Variants in ACSS3 observed in about 807,000 individuals in gnomAD.
ACSS3 encodes the protein acyl-CoA synthetase short chain family member 3, also known as acyl-CoA synthetase short-chain family member 3, mitochondrial.
In ACSS3, 64 loss-of-function variants were observed where a neutral mutation model predicts 84.2. The observed-to-expected ratio is 0.76, with a 90% CI of 0.62 to 0.94. The LOEUF (loss-of-function observed/expected upper bound fraction) is 0.94. ACSS3 is among the 40% of genes least tolerant of loss of function. The pLI is 0.00. For synonymous variants in ACSS3, 317 were observed against 310.1 expected (o/e 1.02, Z -0.23); for missense variants, 815 against 867.6 (o/e 0.94, Z 0.76).
intron 9 of ACSS3, among the ~76,000 whole-genome samples, chr12:81,203,824 C>A (rs1565718818): frequency 6.6e-6 from 1 of 152,164 alleles, no homozygotes; most frequent in Non-Finnish European, 1.5e-5. Flanking sequence ...ATTATCTTCA[C>A]AGTAACTCAT....
At position 81,255,381 on chromosome 12, in the gene ACSS3, TA is replaced by T. The variant is rs960563689; in HGVS notation, c.*462del. 4.6e-5 allele frequency: 7 copies of T among 152,674 alleles called. No individual in the cohort carries two copies. The highest frequency in any genetic ancestry group is 2.0e-4 in the Admixed American group (3 of 15,310). The allele number at this position is 152,674 out of a possible 1,614,324, so 9.5% of individuals were successfully genotyped here. Reference sequence around the variant, plus strand: ...TATTCTTTAGATGCTCACATTGTTTTAAATAAAATAGATGAAATGGGAAGTT... The same window carrying T: ...TATTCTTTAGATGCTCACATTGTTTTAATAAAATAGATGAAATGGGAAGTT... On this transcript the variant is annotated 3_prime_UTR_variant, in exon 16 of 16. Coordinates refer to ENST00000548058, the MANE Select transcript of ACSS3 (RefSeq NM_024560.4).
In ACSS3 at chr12:81,107,483, TG is replaced by T. The variant is rs1395794559; in HGVS notation, c.312-2076del. The stretch of plus-strand genomic sequence containing the variant: ...AAGTAAATAGTTTCCCTGCCAGAAA[TG>T]TTTTTTTTTTCAGGTACAAATATAT... On this transcript the variant is annotated intron_variant, in intron 1 of 15. Transcript: ENST00000548058. Among the ~76,000 whole-genome samples, 58 of 89,844 alleles carry T rather than the reference TG, an allele frequency of 6.5e-4. 1 individual carries two copies. Among genetic ancestry groups the T allele is most frequent in the African/African-American group, 1.9e-3 (55 of 29,144 alleles). The allele number at this position is 89,844 out of a possible 152,430, so 58.9% of individuals were successfully genotyped here. A position where few individuals can be genotyped will look rare whatever the true frequency, so the allele number is the denominator to read the frequency against.
In ACSS3 at chr12:81,134,705, C is replaced by T. The variant is rs1885694011; in HGVS notation, c.457-111C>T. 5.7e-6 allele frequency: 5 copies of T among 879,568 alleles called. No individual in the cohort carries two copies. In the South Asian group the frequency reaches 1.8e-4, roughly 32 times the overall value. The allele number at this position is 879,568 out of a possible 1,614,324, so 54.5% of individuals were successfully genotyped here. A position where few individuals can be genotyped will look rare whatever the true frequency, so the allele number is the denominator to read the frequency against. On this transcript the variant is annotated intron_variant, in intron 2 of 15. Transcript: ENST00000548058. Reference sequence around the variant, plus strand: ...TCATCAAATATGTGTTACTTAGGCTCCTTTAATCTACTACCAAGCGGGTGA... The same window carrying T: ...TCATCAAATATGTGTTACTTAGGCTTCTTTAATCTACTACCAAGCGGGTGA...
chr12:81,132,088 C>CT (rs576576654), intron 2 of ACSS3, among the ~76,000 whole-genome samples: 1 of 152,040 alleles, frequency 6.6e-6, no homozygotes, highest in Non-Finnish European at 1.5e-5. Flanking sequence ...CTAAAATTCT[C>CT]TTTTTTTGTT....
Position 81,162,815 on chromosome 12 carries a change from G to A in ACSS3, c.1098+10719G>A, listed in dbSNP as rs578189325. On this transcript the variant is annotated intron_variant, in intron 7 of 15. Transcript: ENST00000548058. ...CCCAGAGTTCAGAGGGGGCCAAGGA[G>A]GTAGGGGGCTGGCATGTTTGCAGTG... Among the ~76,000 whole-genome samples the A allele has an allele frequency of 1.1e-4, 16 of 152,310 alleles. No homozygotes were observed. In the South Asian group the frequency reaches 2.5e-3, roughly 24 times the overall value.
intron 8 of ACSS3, among the ~76,000 whole-genome samples, chr12:81,192,833 T>C (rs2031640017): frequency 6.6e-6 from 1 of 152,220 alleles, no homozygotes; most frequent in South Asian, 2.1e-4. Context: ...CAATCAGTCT[T>C]ATGTCTCTCT....
intron 7 of ACSS3, among the ~76,000 whole-genome samples, chr12:81,153,075 G>A (rs1037678264): frequency 3.3e-5 from 5 of 152,076 alleles, no homozygotes; most frequent in African/African-American, 4.8e-5. Flanking sequence ...TTACTAGAAA[G>A]CATCTGAAAA....
chr12:81,124,909 T>G (rs1200188706), intron 2 of ACSS3, among the ~76,000 whole-genome samples: 3 of 152,198 alleles, frequency 2.0e-5, no homozygotes, highest in Middle Eastern at 6.3e-3. Flanking sequence ...TGCTGGCTCT[T>G]TCTCTTAAAA....
chr12:81,219,990 A>G, intron 10 of ACSS3, 23 bp from the exon 11 acceptor site: 3 of 1,423,554 alleles, frequency 2.1e-6, no homozygotes, highest in Non-Finnish European at 1.9e-6. Flanking sequence ...TTTTTATTCA[A>G]ATATTTATAT....
At chr12:81,244,749 C>G (rs12298160) in intron 13 of ACSS3, among the ~76,000 whole-genome samples, 1 of 152,146 alleles carries the variant, frequency 6.6e-6, no homozygotes, top group African/African-American at 2.4e-5. Flanking sequence ...TCTCTCTGCT[C>G]AGCTTACATT....
At chr12:81,252,894 G>A (rs1327092701) in intron 13 of ACSS3, among the ~76,000 whole-genome samples, 1 of 152,168 alleles carries the variant, frequency 6.6e-6, no homozygotes, top group East Asian at 1.9e-4. Flanking sequence ...GGATTCCTCT[G>A]GAAGGTATGC....
At chr12:81,144,616 C>A (rs1886238752) in intron 5 of ACSS3, among the ~76,000 whole-genome samples, 1 of 151,976 alleles carries the variant, frequency 6.6e-6, no homozygotes. Flanking sequence ...AAACTCCTGA[C>A]CCTGAAAACA....
At chr12:81,083,754 G>C (rs1010535165) in intron 1 of ACSS3, among the ~76,000 whole-genome samples, 1 of 151,896 alleles carries the variant, frequency 6.6e-6, no homozygotes, top group Non-Finnish European at 1.5e-5. Context: ...GGCAGATGAC[G>C]ACGTCAGGAG....
chr12:81,213,383 G>A (rs184524316), intron 9 of ACSS3, among the ~76,000 whole-genome samples: 50 of 152,122 alleles, frequency 3.3e-4, no homozygotes, highest in African/African-American at 1.2e-3. Context: ...TCAGTCCTTG[G>A]GTCCTAGGAT....
intron 2 of ACSS3, 144 bp from the exon 3 acceptor site, chr12:81,134,672 T>C (rs1885693118): frequency 1.7e-6 from 1 of 574,130 alleles, no homozygotes; most frequent in Non-Finnish European, 2.7e-6. Context: ...TCTAAAGCAT[T>C]ATCATCATCA....
Position 81,239,892 on chromosome 12 carries a change from C to CAT in ACSS3, c.1719+6430_1719+6431dup, listed in dbSNP as rs377681645. 5.3e-4 allele frequency among the ~76,000 whole-genome samples: 81 copies of CAT among 151,986 alleles called. 1 individual carries two copies. The East Asian group carries it at 0.014, about 27-fold the overall frequency. On this transcript the variant is annotated intron_variant, in intron 13 of 15. Transcript: ENST00000548058. ...CAATATGTGTGCATATATGCACATA[C>CAT]ATATATATATGCTTATGTATAAGCA...
intron 11 of ACSS3, among the ~76,000 whole-genome samples, chr12:81,222,666 C>A (rs1032293369): frequency 6.6e-6 from 1 of 152,032 alleles, no homozygotes; most frequent in Admixed American, 6.6e-5. Flanking sequence ...ACCAAAGAAC[C>A]TTTTGATCCA....
At chr12:81,082,392 G>C (rs1881037581) in intron 1 of ACSS3, among the ~76,000 whole-genome samples, 1 of 152,206 alleles carries the variant, frequency 6.6e-6, no homozygotes, top group Non-Finnish European at 1.5e-5. Flanking sequence ...TGGGGGATAT[G>C]ATACTGTCTT....
At chr12:81,174,015 C>A (rs1004876725) in intron 7 of ACSS3, among the ~76,000 whole-genome samples, 4 of 151,998 alleles carry the variant, frequency 2.6e-5, no homozygotes, top group African/African-American at 9.7e-5. Flanking sequence ...GAAGAGGTAG[C>A]AGTGATGAGG....
Sources: allele counts gnomAD v4.1 joint callset (sites outside exome capture counted in the v4.1 genomes callset), GRCh38; gene constraint gnomAD v4.1.1; transcripts MANE v1.5; gene names NCBI Gene and HGNC (gene_info 2026-07-23, HGNC 2026-07-21).